The following RBMS3 variants were observed in gnomAD, a reference collection of about 807,000 sequenced individuals.
RBMS3 encodes the protein RNA binding motif single stranded interacting protein 3.
Under a neutral mutation model 66.8 loss-of-function variants are expected in RBMS3, and 27 were observed. The observed-to-expected ratio is 0.40, with a 90% confidence interval of 0.30 to 0.56. RBMS3 has a LOEUF of 0.56. Ranked by LOEUF, RBMS3 falls within the 20% of genes least tolerant of loss-of-function variation. The pLI is 0.40. For synonymous variants in RBMS3, 188 were observed against 183.0 expected, an observed-to-expected ratio of 1.03 and a Z score of -0.22; for missense variants, 513 against 549.5, an observed-to-expected ratio of 0.93 and a Z score of 0.66.
At chr3:29,533,305 C>G (rs1323587098) in intron 3 of RBMS3, among the ~76,000 whole-genome samples, 1 of 151,582 alleles carries the variant, frequency 6.6e-6, no homozygotes, top group Non-Finnish European at 1.5e-5. Context: ...TAAACAAGAA[C>G]TCATCTCTGT....
intron 7 of RBMS3, among the ~76,000 whole-genome samples, chr3:29,874,738 AC>A (rs1353489830): frequency 1.3e-5 from 2 of 151,878 alleles, no homozygotes; most frequent in African/African-American, 2.4e-5. Context: ...CTTAAAATAA[AC>A]CTTTTTTTTG....
chr3:29,660,731 C>G (rs1327026892), intron 4 of RBMS3, among the ~76,000 whole-genome samples: 1 of 152,154 alleles, frequency 6.6e-6, no homozygotes, highest in African/African-American at 2.4e-5. Flanking sequence ...GCACTTGCAC[C>G]TTTCTCAGGG....
chr3:29,395,387 C>T (rs2039500083), intron 1 of RBMS3, among the ~76,000 whole-genome samples: 1 of 151,888 alleles, frequency 6.6e-6, no homozygotes, highest in Non-Finnish European at 1.5e-5. Flanking sequence ...AACACTGGGT[C>T]AGTGGTCATA....
chr3:29,469,779 A>G (rs13095221), intron 2 of RBMS3, among the ~76,000 whole-genome samples: 41,508 of 150,902 alleles, frequency 0.28, 5,997 homozygotes, highest in Admixed American at 0.4. Context: ...TCTGTGGGGA[A>G]AAGTGGAAGA....
intron 6 of RBMS3, among the ~76,000 whole-genome samples, chr3:29,816,311 G>GACACACAC (rs66518208): frequency 0.028 from 1,950 of 69,012 alleles, 22 homozygotes; most frequent in Middle Eastern, 0.08. Flanking sequence ...GACACACACA[G>GACACACAC]ACACACACAC....
intron 3 of RBMS3, among the ~76,000 whole-genome samples, chr3:29,499,766 T>C (rs1447900013): frequency 6.6e-6 from 1 of 152,180 alleles, no homozygotes; most frequent in Non-Finnish European, 1.5e-5. Context: ...ACAATTTCTT[T>C]CGATAAACAA....
At chr3:29,835,046 C>T (rs1488146451) in intron 6 of RBMS3, among the ~76,000 whole-genome samples, 2 of 151,938 alleles carry the variant, frequency 1.3e-5, no homozygotes, top group Non-Finnish European at 2.9e-5. Context: ...CAATAAAGGT[C>T]ACTGTATAAT....
intron 1 of RBMS3, among the ~76,000 whole-genome samples, chr3:29,433,460 C>T (rs571132501): frequency 1.3e-5 from 2 of 152,256 alleles, no homozygotes; most frequent in South Asian, 4.1e-4. Flanking sequence ...AGATACAAAC[C>T]ATGAATATTC....
In RBMS3 at chr3:29,532,102, A is replaced by G. The variant is rs78996535; in HGVS notation, c.307+43603A>G. Among the ~76,000 whole-genome samples, 285 of 151,654 alleles carry G rather than the reference A, an allele frequency of 1.9e-3. 2 individuals carry two copies. Among genetic ancestry groups the G allele is most frequent in the African/African-American group, 6.6e-3 (272 of 41,362 alleles). On this transcript the variant is annotated intron_variant, in intron 3 of 14. Transcript: ENST00000383767. ...ACTTGTTTCCTCTCTTTTTTTCTTA[A>G]TATTAATAACTAGATAGTCACTTTG... is the stretch of plus-strand genomic sequence containing the variant.
intron 1 of RBMS3, among the ~76,000 whole-genome samples, chr3:29,429,521 A>T (rs1363842908): frequency 6.6e-6 from 1 of 152,128 alleles, no homozygotes; most frequent in African/African-American, 2.4e-5. Context: ...CTGCAAGAGA[A>T]ATCCTCTATC....
intron 6 of RBMS3, among the ~76,000 whole-genome samples, chr3:29,790,478 A>G (rs936806459): frequency 6.6e-6 from 1 of 152,276 alleles, no homozygotes; most frequent in African/African-American, 2.4e-5. Context: ...ATGGGTAATC[A>G]GTAACCCATA....
chr3:29,660,298 C>T (rs1008003583), intron 4 of RBMS3, among the ~76,000 whole-genome samples: 3 of 151,526 alleles, frequency 2.0e-5, no homozygotes, highest in Admixed American at 1.3e-4. Flanking sequence ...ATATGTTCTT[C>T]GTCTCTTGTA....
At chr3:29,395,705 A>T (rs1200284094) in intron 1 of RBMS3, among the ~76,000 whole-genome samples, 1 of 152,194 alleles carries the variant, frequency 6.6e-6, no homozygotes, top group Non-Finnish European at 1.5e-5. Context: ...GTAATGGTTA[A>T]ATTAAAAACA....
chr3:29,704,351 A>G (rs985155149), intron 4 of RBMS3, among the ~76,000 whole-genome samples: 4 of 152,136 alleles, frequency 2.6e-5, no homozygotes, highest in Non-Finnish European at 4.4e-5. Flanking sequence ...CCAGAAAGAG[A>G]TTGGTATATA....
intron 1 of RBMS3, among the ~76,000 whole-genome samples, chr3:29,300,455 A>G (rs563483287): frequency 8.2e-4 from 124 of 152,144 alleles, no homozygotes; most frequent in Non-Finnish European, 1.6e-3. Flanking sequence ...TTATCTTTAC[A>G]AAGAACTACT....
chr3:29,361,414 T>C (rs1224072985), intron 1 of RBMS3, among the ~76,000 whole-genome samples: 1 of 152,332 alleles, frequency 6.6e-6, no homozygotes, highest in East Asian at 1.9e-4. Context: ...TGCTGAGAGA[T>C]CCATTGTTAG....
intron 2 of RBMS3, among the ~76,000 whole-genome samples, chr3:29,483,361 T>C (rs1004220648): frequency 6.6e-6 from 1 of 151,836 alleles, no homozygotes; most frequent in Non-Finnish European, 1.5e-5. Flanking sequence ...CCTTAGTCTC[T>C]GGAGTATTGC....
chr3:29,383,267 G>A (rs1432264711), intron 1 of RBMS3, among the ~76,000 whole-genome samples: 4 of 152,176 alleles, frequency 2.6e-5, no homozygotes, highest in African/African-American at 9.6e-5. Context: ...CACTTGAGTG[G>A]AAATATTCCT....
intron 7 of RBMS3, among the ~76,000 whole-genome samples, chr3:29,872,326 C>G (rs983990094): frequency 6.6e-6 from 1 of 152,072 alleles, no homozygotes; most frequent in Non-Finnish European, 1.5e-5. Flanking sequence ...GTGGACTTTT[C>G]TATTTTTACA....
Sources: gnomAD v4.1 joint callset for allele counts (sites outside exome capture counted in the v4.1 genomes callset) on GRCh38, gnomAD v4.1.1 for gene constraint, MANE v1.5 for transcripts, NCBI Gene and HGNC (gene_info 2026-07-23, HGNC 2026-07-21) for gene names.